Variants in SLC24A2 observed in about 807,000 individuals in gnomAD.
The protein encoded by SLC24A2 is sodium/potassium/calcium exchanger 2.
In SLC24A2, 36 loss-of-function variants were observed where a neutral mutation model predicts 62.0. That is an observed-to-expected ratio of 0.58 (90% CI 0.44 to 0.77). SLC24A2 has a LOEUF of 0.77. Among genes scored for constraint, SLC24A2 ranks in the 30% least tolerant of loss-of-function variants. The probability of loss-of-function intolerance (pLI) is 0.00; values close to 1 mark genes in which losing one functional copy is unlikely to be tolerated. For missense variants in SLC24A2, 846 were observed against 817.9 expected (o/e 1.03, Z -0.42); for synonymous variants, 358 against 294.0 (o/e 1.22, Z -2.23).
intron 2 of SLC24A2, among the ~76,000 whole-genome samples, chr9:19,683,792 A>AT (rs1819793562): frequency 6.6e-6 from 1 of 151,962 alleles, no homozygotes; most frequent in Non-Finnish European, 1.5e-5. Context: ...TAAAAACATT[A>AT]TTTTTTTGAG....
the SLC24A2 span, among the ~76,000 whole-genome samples, chr9:20,203,653 G>C: frequency 6.6e-6 from 1 of 151,830 alleles, no homozygotes; most frequent in African/African-American, 2.4e-5. Context: ...AGACCAGCCT[G>C]GGAAACATAG....
At chr9:20,234,916 C>T in the SLC24A2 span, among the ~76,000 whole-genome samples, 1 of 152,122 alleles carries the variant, frequency 6.6e-6, no homozygotes, top group Non-Finnish European at 1.5e-5. Context: ...TGTGGATGTC[C>T]TTTCTGTTTG....
intron 2 of SLC24A2, among the ~76,000 whole-genome samples, chr9:19,777,219 A>G (rs1397733627): frequency 6.6e-6 from 1 of 152,218 alleles, no homozygotes; most frequent in Non-Finnish European, 1.5e-5. Context: ...CTGGCAATCT[A>G]TAAAAGAAAA....
chr9:20,062,246 T>C, the SLC24A2 span, among the ~76,000 whole-genome samples: 3 of 151,866 alleles, frequency 2.0e-5, no homozygotes, highest in South Asian at 6.3e-4. Flanking sequence ...TAAATAAAAA[T>C]AAAAGACTTA....
the SLC24A2 span, among the ~76,000 whole-genome samples, chr9:19,834,065 A>C: frequency 5.9e-5 from 9 of 152,132 alleles, no homozygotes; most frequent in African/African-American, 2.2e-4. Context: ...CCACCCCAAA[A>C]ACCCATCTGT....
chr9:20,241,686 G>C, the SLC24A2 span, among the ~76,000 whole-genome samples: 1 of 152,138 alleles, frequency 6.6e-6, no homozygotes, highest in Non-Finnish European at 1.5e-5. Flanking sequence ...TCCTAGGAGA[G>C]GGGTGTGCCA....
chr9:19,836,930 A>G, the SLC24A2 span, among the ~76,000 whole-genome samples: 1 of 152,206 alleles, frequency 6.6e-6, no homozygotes. Context: ...CAACATATGA[A>G]AATCAATAAA....
At chr9:20,072,468 T>C in the SLC24A2 span, among the ~76,000 whole-genome samples, 49 of 152,312 alleles carry the variant, frequency 3.2e-4, no homozygotes, top group African/African-American at 1.1e-3. Context: ...TGGGAGTTCT[T>C]ATCTAGGAAC....
At chr9:20,073,107 G>A in the SLC24A2 span, among the ~76,000 whole-genome samples, 1 of 152,130 alleles carries the variant, frequency 6.6e-6, no homozygotes, top group Non-Finnish European at 1.5e-5. Flanking sequence ...CGTTTTTGTA[G>A]GTCAGGAATT....
chr9:20,041,208 G>T, the SLC24A2 span, among the ~76,000 whole-genome samples: 6 of 150,552 alleles, frequency 4.0e-5, no homozygotes, highest in Admixed American at 6.6e-5. Context: ...AAGAAAGAGA[G>T]ATAGGGAGGT....
At chr9:19,738,605 T>A (rs1821578449) in intron 2 of SLC24A2, among the ~76,000 whole-genome samples, 1 of 152,014 alleles carries the variant, frequency 6.6e-6, no homozygotes, top group Non-Finnish European at 1.5e-5. Context: ...TCATTATTAT[T>A]TTCAAATAAA....
the SLC24A2 span, among the ~76,000 whole-genome samples, chr9:20,118,459 T>A: frequency 6.6e-6 from 1 of 152,144 alleles, no homozygotes; most frequent in South Asian, 2.1e-4. Flanking sequence ...CCCTGACTGA[T>A]GCTTGAGAGA....
chr9:19,814,627 C>A, the SLC24A2 span, among the ~76,000 whole-genome samples: 1 of 152,082 alleles, frequency 6.6e-6, no homozygotes, highest in Non-Finnish European at 1.5e-5. Flanking sequence ...GTGTCTAGGG[C>A]CATAATCTGC....
the SLC24A2 span, among the ~76,000 whole-genome samples, chr9:19,979,016 T>C: frequency 6.6e-6 from 1 of 152,194 alleles, no homozygotes; most frequent in African/African-American, 2.4e-5. Context: ...GTGTGCTCCG[T>C]CTTTTTTAAG....
At chr9:19,652,031 C>A (rs1818815659) in intron 2 of SLC24A2, among the ~76,000 whole-genome samples, 1 of 152,206 alleles carries the variant, frequency 6.6e-6, no homozygotes, top group African/African-American at 2.4e-5. Context: ...ACCCACACTA[C>A]TTTGTTCCAT....
Position 19,751,059 on chromosome 9 carries a change from C to G in SLC24A2, c.930+34878G>C, listed in dbSNP as rs17578953. Among the ~76,000 whole-genome samples, 227 of 152,300 alleles carry G rather than the reference C, an allele frequency of 1.5e-3. 1 individual carries two copies. The highest frequency in any genetic ancestry group is 5.2e-3 in the African/African-American group (216 of 41,566). The stretch of plus-strand genomic sequence containing the variant: ...TATGGGGCTTACTGTTTTATGCTGA[C>G]TGTGTTCGGTAACATGTTTGTCTTC... On this transcript the variant is annotated intron_variant, in intron 2 of 10. Transcript: ENST00000341998.
At chr9:20,233,254 G>A in the SLC24A2 span, among the ~76,000 whole-genome samples, 1 of 152,174 alleles carries the variant, frequency 6.6e-6, no homozygotes, top group African/African-American at 2.4e-5. Context: ...GCTTGGTGCA[G>A]AGCTGAGTTC....
the SLC24A2 span, among the ~76,000 whole-genome samples, chr9:20,116,330 G>A: frequency 6.6e-6 from 1 of 152,082 alleles, no homozygotes; most frequent in Admixed American, 6.6e-5. Context: ...CTGAATGCCT[G>A]CAGATCTTAG....
At chr9:20,157,525 C>T in the SLC24A2 span, among the ~76,000 whole-genome samples, 5 of 151,596 alleles carry the variant, frequency 3.3e-5, no homozygotes, top group Admixed American at 2.0e-4. Context: ...ATACTGAGCA[C>T]ATATCTGGGA....
Sources: allele counts gnomAD v4.1 joint callset (sites outside exome capture counted in the v4.1 genomes callset), GRCh38; gene constraint gnomAD v4.1.1; transcripts MANE v1.5; gene names NCBI Gene and HGNC (gene_info 2026-07-23, HGNC 2026-07-21).